The following RAPGEF4 variants were observed in gnomAD, a reference collection of about 807,000 sequenced individuals.
The protein encoded by RAPGEF4 is RAP guanine-nucleotide-exchange factor (GEF) 4.
A neutral mutation model predicts 147.9 loss-of-function variants in RAPGEF4; 66 were observed. The ratio of observed to expected loss-of-function variants is 0.45; its 90% CI spans 0.37 to 0.55. RAPGEF4 has a LOEUF of 0.55. Ranked by LOEUF, RAPGEF4 falls within the 20% of genes least tolerant of loss-of-function variation. The pLI is 0.00. For missense variants in RAPGEF4, 1,071 were observed against 1,257.3 expected (o/e 0.85, Z 2.24); for synonymous variants, 419 against 442.7 (o/e 0.95, Z 0.67).
chr2:172,782,367 C>T (rs1288892415), intron 1 of RAPGEF4, among the ~76,000 whole-genome samples: 1 of 152,198 alleles, frequency 6.6e-6, no homozygotes, highest in Non-Finnish European at 1.5e-5. Flanking sequence ...GCTTCCCCTC[C>T]CGCCATGCTC....
intron 4 of RAPGEF4, among the ~76,000 whole-genome samples, chr2:172,829,836 G>A (rs1014143603): frequency 6.7e-6 from 1 of 150,102 alleles, no homozygotes; most frequent in Non-Finnish European, 1.5e-5. Context: ...CTGGCAGGTA[G>A]GTCTGCGTTT....
In RAPGEF4 at chr2:173,035,350, A is replaced by C. The variant is rs193278399; in HGVS notation, c.2701-775A>C. ...GGTGAAACCCCGTCTCTACTAAAAA[A>C]ATACAAAAAAATTAGCCAGGCCTGG... is the stretch of plus-strand genomic sequence containing the variant. On this transcript the variant is annotated intron_variant, in intron 27 of 30. Coordinates refer to ENST00000397081, the MANE Select transcript of RAPGEF4 (RefSeq NM_007023.4). Among the ~76,000 whole-genome samples, 763 of 152,094 alleles carry C rather than the reference A, an allele frequency of 5.0e-3. 1 individual carries two copies. Among genetic ancestry groups the C allele is most frequent in the South Asian group, 1.0e-2 (48 of 4,812 alleles).
intron 30 of RAPGEF4, 78 bp downstream of exon 30, chr2:173,048,732 T>G: frequency 6.3e-7 from 1 of 1,599,308 alleles, no homozygotes; most frequent in Admixed American, 1.8e-5. Context: ...TGAGACACCC[T>G]TGGAGCCTGG....
In RAPGEF4 at chr2:172,995,245, T is replaced by TTGTGTGTG. The variant is rs71018528; in HGVS notation, c.1491-1183_1491-1176dup. Among the ~76,000 whole-genome samples the TTGTGTGTG allele has an allele frequency of 1.2e-3, 166 of 138,684 alleles. 2 individuals are homozygous for TTGTGTGTG. The highest frequency in any genetic ancestry group is 4.4e-3 in the African/African-American group (161 of 36,450). The allele number at this position is 138,684 out of a possible 152,430, so 91.0% of individuals were successfully genotyped here. On this transcript the variant is annotated intron_variant, in intron 15 of 30. Transcript: ENST00000397081. ...TTCATTGTTGTTTTTACTTGCCTGTTTGTGTGTGTGTGTGTGTGTGTGTGT... is the reference window on the plus strand; with the variant it reads ...TTCATTGTTGTTTTTACTTGCCTGTTTGTGTGTGTGTGTGTGTGTGTGTGTGTGTGTGT...
chr2:172,960,012 G>A (rs1014783571), intron 6 of RAPGEF4, among the ~76,000 whole-genome samples: 2 of 152,106 alleles, frequency 1.3e-5, no homozygotes, highest in Non-Finnish European at 2.9e-5. Flanking sequence ...TTGAGCCTGG[G>A]AGTTCAAGGC....
chr2:172,814,969 T>C (rs1574926482), intron 4 of RAPGEF4, among the ~76,000 whole-genome samples: 1 of 152,218 alleles, frequency 6.6e-6, no homozygotes, highest in Non-Finnish European at 1.5e-5. Flanking sequence ...TCCTAGTGGC[T>C]TTTGCATTTA....
intron 16 of RAPGEF4, among the ~76,000 whole-genome samples, chr2:173,000,595 C>T (rs1346750356): frequency 6.6e-6 from 1 of 152,204 alleles, no homozygotes; most frequent in South Asian, 2.1e-4. Context: ...TGCCTTACTT[C>T]CCTTGCCAAC....
At chr2:172,824,066 G>A (rs750239291) in intron 4 of RAPGEF4, among the ~76,000 whole-genome samples, 12 of 152,186 alleles carry the variant, frequency 7.9e-5, no homozygotes, top group Non-Finnish European at 1.3e-4. Flanking sequence ...AAAGAAGGGA[G>A]AGCCACAAAT....
chr2:172,823,006 G>C (rs1184756369), intron 4 of RAPGEF4, among the ~76,000 whole-genome samples: 3 of 152,176 alleles, frequency 2.0e-5, no homozygotes, highest in African/African-American at 7.2e-5. Context: ...TTACAATCTA[G>C]TGGAAAAGAC....
At chr2:172,834,447 A>G (rs1025178938) in intron 4 of RAPGEF4, among the ~76,000 whole-genome samples, 2 of 152,236 alleles carry the variant, frequency 1.3e-5, no homozygotes, top group African/African-American at 4.8e-5. Context: ...TACTCTTCAT[A>G]AAACTTGATT....
chr2:173,026,504 G>A (rs1696677264), intron 23 of RAPGEF4, 68 bp from the exon 24 acceptor site: 1 of 1,508,454 alleles, frequency 6.6e-7, no homozygotes, highest in Non-Finnish European at 9.0e-7. Context: ...AGAAACTCCT[G>A]AAAGCTTTTA....
At chr2:172,904,778 G>A (rs1575189054) in intron 4 of RAPGEF4, among the ~76,000 whole-genome samples, 1 of 151,518 alleles carries the variant, frequency 6.6e-6, no homozygotes, top group East Asian at 1.9e-4. Context: ...CCCCCTTGAG[G>A]TGCCACATCT....
rs139999880 is a variant in RAPGEF4, at chr2:172,807,353, C to T, written c.298-6926C>T. On this transcript the variant is annotated intron_variant, in intron 3 of 30. Coordinates refer to ENST00000397081, the MANE Select transcript of RAPGEF4 (RefSeq NM_007023.4). ...CATTCTCATCAAACCTTCCTGCGGC[C>T]GGCTTGCCTGATCTTGTTAAGCTTT... Among the ~76,000 whole-genome samples the T allele has an allele frequency of 9.2e-3, 1,407 of 152,350 alleles. 13 individuals carry two copies. Among genetic ancestry groups the T allele is most frequent in the Admixed American group, 0.023 (354 of 15,302 alleles).
At chr2:172,744,076 A>C (rs900035226) in intron 1 of RAPGEF4, 3 of 176,742 alleles carry the variant, frequency 1.7e-5, no homozygotes, top group African/African-American at 7.2e-5. Context: ...TTGCTTTACT[A>C]TTTTATTTAT....
intron 6 of RAPGEF4, among the ~76,000 whole-genome samples, chr2:172,929,610 T>G (rs1425630756): frequency 6.6e-6 from 1 of 152,208 alleles, no homozygotes; most frequent in Non-Finnish European, 1.5e-5. Flanking sequence ...TCTATTTCCC[T>G]TCAGCCAAAG....
chr2:172,861,861 C>G (rs1312049138), intron 4 of RAPGEF4, among the ~76,000 whole-genome samples: 1 of 152,164 alleles, frequency 6.6e-6, no homozygotes, highest in Non-Finnish European at 1.5e-5. Context: ...AGCAGCTGCA[C>G]CCAGTGCTCT....
chr2:172,764,027 G>A (rs1321691408), intron 1 of RAPGEF4, among the ~76,000 whole-genome samples: 4 of 151,980 alleles, frequency 2.6e-5, no homozygotes, highest in Non-Finnish European at 5.9e-5. Context: ...GAGATGGGAG[G>A]ATCACTCGAA....
intron 6 of RAPGEF4, among the ~76,000 whole-genome samples, chr2:172,931,764 G>A (rs1021197016): frequency 6.6e-6 from 1 of 152,200 alleles, no homozygotes; most frequent in Non-Finnish European, 1.5e-5. Flanking sequence ...GGACCTGCTA[G>A]TTTTAGGTTA....
chr2:172,968,008 C>T (rs1210322238), intron 10 of RAPGEF4, among the ~76,000 whole-genome samples: 2 of 152,216 alleles, frequency 1.3e-5, no homozygotes, highest in Non-Finnish European at 2.9e-5. Flanking sequence ...CTGAACCCAC[C>T]TTACCTTCAG....
Sources: allele counts gnomAD v4.1 joint callset (sites outside exome capture counted in the v4.1 genomes callset), GRCh38; gene constraint gnomAD v4.1.1; transcripts MANE v1.5; gene names NCBI Gene and HGNC (gene_info 2026-07-23, HGNC 2026-07-21).